The following CNTN4 variants were observed in gnomAD, a reference collection of about 807,000 sequenced individuals.
CNTN4 encodes the protein contactin 4, also known as contactin-4.
CNTN4 carries 77 observed loss-of-function variants against 122.5 expected under a neutral mutation model. That is an observed-to-expected ratio of 0.63 (90% CI 0.52 to 0.76). The LOEUF is 0.76. Among genes scored for constraint, CNTN4 ranks in the 30% least tolerant of loss-of-function variants. CNTN4 has a pLI of 0.00. For synonymous variants in CNTN4, 512 were observed against 447.0 expected (o/e 1.15, Z -1.83); for missense variants, 1,256 against 1,259.1 (o/e 1.00, Z 0.04).
At chr3:2,807,694 A>C (rs549753866) in intron 6 of CNTN4, among the ~76,000 whole-genome samples, 25 of 151,310 alleles carry the variant, frequency 1.7e-4, no homozygotes, top group African/African-American at 6.1e-4. Context: ...CAATGAGTCT[A>C]AGCATGACTG....
chr3:2,278,462 G>A (rs1445528964), intron 2 of CNTN4, among the ~76,000 whole-genome samples: 2 of 152,088 alleles, frequency 1.3e-5, no homozygotes, highest in African/African-American at 4.8e-5. Context: ...TTTCTGCCAA[G>A]GTCAGCTCCT....
chr3:2,352,218 G>A (rs1182933661), intron 3 of CNTN4, among the ~76,000 whole-genome samples: 5 of 152,196 alleles, frequency 3.3e-5, no homozygotes, highest in South Asian at 2.1e-4. Context: ...GTGAAACGCC[G>A]TTGAGAGGTG....
chr3:2,558,309 A>G (rs146827869), intron 3 of CNTN4, among the ~76,000 whole-genome samples: 1 of 152,330 alleles, frequency 6.6e-6, no homozygotes, highest in East Asian at 1.9e-4. Context: ...CATAATGTCC[A>G]GGCTGCAATC....
At chr3:2,117,407 A>G (rs968939625) in intron 2 of CNTN4, among the ~76,000 whole-genome samples, 1 of 152,158 alleles carries the variant, frequency 6.6e-6, no homozygotes, top group African/African-American at 2.4e-5. Context: ...AGCTGTCTGG[A>G]AGTGCATCTG....
chr3:2,837,022 T>C (rs2093241745), intron 7 of CNTN4, among the ~76,000 whole-genome samples: 1 of 152,224 alleles, frequency 6.6e-6, no homozygotes, highest in Non-Finnish European at 1.5e-5. Context: ...TATTGGGTGA[T>C]GATACATGAA....
Position 2,709,649 on chromosome 3 carries a change from C to G in CNTN4, c.56-26566C>G, listed in dbSNP as rs947431295. On this transcript the variant is annotated intron_variant, in intron 4 of 24. Transcript: ENST00000418658. The surrounding 1 kb of genome is among the most constrained non-coding windows in gnomAD (Gnocchi z 5.0). ...CACAATGTGGCTGGGTGCGGTGGCT[C>G]TCACCTGTAACCGCAGCACTTTGGG... is the stretch of plus-strand genomic sequence containing the variant. Among the ~76,000 whole-genome samples, 1 of 152,140 alleles carries G rather than the reference C, an allele frequency of 6.6e-6. No individual in the cohort carries two copies. The highest frequency in any genetic ancestry group is 1.5e-5 in the Non-Finnish European group (1 of 68,016).
chr3:2,230,671 G>A (rs1192491011), intron 2 of CNTN4, among the ~76,000 whole-genome samples: 1 of 152,176 alleles, frequency 6.6e-6, no homozygotes, highest in East Asian at 1.9e-4. Context: ...AATGTTATGT[G>A]TCTGCACTGT....
At chr3:3,030,408 A>C (rs1699064692) in intron 15 of CNTN4, among the ~76,000 whole-genome samples, 1 of 152,206 alleles carries the variant, frequency 6.6e-6, no homozygotes, top group African/African-American at 2.4e-5. Context: ...GCTGGCTCTA[A>C]GAAAGGGTTG....
At chr3:2,422,404 C>T (rs746956624) in intron 3 of CNTN4, among the ~76,000 whole-genome samples, 51 of 152,182 alleles carry the variant, frequency 3.4e-4, no homozygotes, top group Non-Finnish European at 6.2e-4. Flanking sequence ...CAACTCCAAA[C>T]AGATGTTGTC....
At chr3:2,373,408 C>T (rs1313846391) in intron 3 of CNTN4, among the ~76,000 whole-genome samples, 2 of 152,302 alleles carry the variant, frequency 1.3e-5, no homozygotes, top group African/African-American at 2.4e-5. Context: ...GAATCGAGTA[C>T]GTACAACTGT....
At chr3:2,140,590 C>G (rs192553572) in intron 2 of CNTN4, among the ~76,000 whole-genome samples, 61 of 152,202 alleles carry the variant, frequency 4.0e-4, no homozygotes, top group Non-Finnish European at 8.1e-4. Context: ...GGGCGCTAAC[C>G]CCATTCATGT....
intron 2 of CNTN4, among the ~76,000 whole-genome samples, chr3:2,288,282 C>T (rs1256408969): frequency 6.6e-6 from 1 of 152,050 alleles, no homozygotes; most frequent in Non-Finnish European, 1.5e-5. Flanking sequence ...CTGGTGAGGG[C>T]CTCAGGCTGC....
At chr3:2,290,685 T>C (rs1031317656) in intron 2 of CNTN4, among the ~76,000 whole-genome samples, 1 of 152,246 alleles carries the variant, frequency 6.6e-6, no homozygotes, top group East Asian at 1.9e-4. Flanking sequence ...TCTTAAAGAT[T>C]TGTGTATTGT....
At chr3:2,844,464 A>T (rs2093420954) in intron 7 of CNTN4, among the ~76,000 whole-genome samples, 1 of 152,200 alleles carries the variant, frequency 6.6e-6, no homozygotes, top group Admixed American at 6.5e-5. Flanking sequence ...GACCCTTCAG[A>T]AGTGTGTGTT....
chr3:2,522,028 C>A (rs1367886123), intron 3 of CNTN4, among the ~76,000 whole-genome samples: 1 of 152,022 alleles, frequency 6.6e-6, no homozygotes, highest in East Asian at 1.9e-4. Context: ...GGCTCAATAA[C>A]CTTCTAACTC....
chr3:2,503,643 A>G (rs1202084900), intron 3 of CNTN4, among the ~76,000 whole-genome samples: 1 of 152,124 alleles, frequency 6.6e-6, no homozygotes, highest in Non-Finnish European at 1.5e-5. Flanking sequence ...CTGACTCTAG[A>G]ATTTTCACTC....
intron 13 of CNTN4, among the ~76,000 whole-genome samples, chr3:2,981,184 CCT>C (rs1194153920): frequency 3.9e-5 from 6 of 152,198 alleles, no homozygotes; most frequent in African/African-American, 1.4e-4. Flanking sequence ...GTGGCTCACG[CCT>C]GTAGTACCAG....
chr3:2,557,347 G>A (rs2078761038), intron 3 of CNTN4, among the ~76,000 whole-genome samples: 1 of 152,216 alleles, frequency 6.6e-6, no homozygotes, highest in Non-Finnish European at 1.5e-5. Flanking sequence ...TACGCTAGTA[G>A]TAAATAAGAA....
At position 3,040,176 on chromosome 3, in the gene CNTN4, A is replaced by G. The variant is rs756588728; in HGVS notation, c.2303A>G (p.His768Arg). Residue 768 changes from histidine (H) to arginine (R), a missense_variant, in exon 20 of 25, where the codon CAC (histidine) becomes CGC (arginine). Coordinates refer to ENST00000418658, the MANE Select transcript of CNTN4 (RefSeq NM_175607.3). ...TACGTGTTCAGGAATGAGAGCGTGC[A>G]CCCCTTCTCTCCCTTTGAGGTTAAA... ...SRYVFRNESV[H>R]PFSPFEVKVG... 1 of 1,614,062 alleles carries G rather than the reference A, an allele frequency of 6.2e-7. No homozygotes were observed. The highest frequency in any genetic ancestry group is 8.5e-7 in the Non-Finnish European group (1 of 1,180,018).
Sources: allele counts gnomAD v4.1 joint callset (sites outside exome capture counted in the v4.1 genomes callset), GRCh38; gene constraint gnomAD v4.1.1; non-coding constraint Gnocchi (gnomAD v3.1); transcripts MANE v1.5; gene names NCBI Gene and HGNC (gene_info 2026-07-23, HGNC 2026-07-21).